RAB36: variants seen among roughly 807,000 people sequenced by gnomAD.
The protein encoded by RAB36 is RAB36, member RAS oncogene family, also known as ras-related protein Rab-36.
A neutral mutation model predicts 39.3 loss-of-function variants in RAB36; 33 were observed. That is an observed-to-expected ratio of 0.84 (90% CI 0.64 to 1.12). The LOEUF (loss-of-function observed/expected upper bound fraction) is 1.12. Among genes scored for constraint, RAB36 ranks in the 50% most tolerant of loss-of-function variants. The probability of loss-of-function intolerance (pLI) is 0.00; values close to 1 mark genes in which losing one functional copy is unlikely to be tolerated. For synonymous variants in RAB36, 133 were observed against 140.2 expected, an observed-to-expected ratio of 0.95 and a Z score of 0.36; for missense variants, 308 against 355.3, an observed-to-expected ratio of 0.87 and a Z score of 1.07.
chr22:23,166,038 T>C (rs925095583), downstream of RAB36, among the ~76,000 whole-genome samples: 1 of 150,186 alleles, frequency 6.7e-6, no homozygotes, highest in African/African-American at 2.4e-5. Context: ...CCCAGCTACT[T>C]GGGAGGCTGA....
downstream of RAB36, among the ~76,000 whole-genome samples, chr22:23,166,967 C>T (rs1384985839): frequency 6.6e-6 from 1 of 152,094 alleles, no homozygotes; most frequent in African/African-American, 2.4e-5. Flanking sequence ...TCTGGAAGCT[C>T]GTTTAACCAC....
At position 23,147,072 on chromosome 22, in the gene RAB36, A is replaced by G. The variant is rs545710305; in HGVS notation, c.69+387A>G. 1.1e-4 allele frequency among the ~76,000 whole-genome samples: 16 copies of G among 152,330 alleles called. No homozygotes were observed. In the South Asian group the frequency reaches 3.1e-3, roughly 30 times the overall value. On this transcript the variant is annotated intron_variant, in intron 2 of 10. Transcript: ENST00000263116. Reference sequence around the variant, plus strand: ...TCATGGTATGCAGGAGCTCCCCTGCAGTCATAGTTGCTGTTGTTCTCATCA... The same window carrying G: ...TCATGGTATGCAGGAGCTCCCCTGCGGTCATAGTTGCTGTTGTTCTCATCA...
Position 23,161,491 on chromosome 22 carries a change from T to C in RAB36, c.740-9T>C. On this transcript the variant is annotated splice_polypyrimidine_tract_variant and intron_variant, in intron 10 of 10. Coordinates refer to ENST00000263116, the MANE Select transcript of RAB36 (RefSeq NM_004914.5). ...GGTTGATGCTAAATTACTTCTCCCC[T>C]CCTTACAGAAATGGAAGGGAGTCCG... is the stretch of plus-strand genomic sequence containing the variant. 1 of 1,605,012 alleles carries C rather than the reference T, an allele frequency of 6.2e-7. No homozygotes were observed. The highest frequency in any genetic ancestry group is 8.5e-7 in the Non-Finnish European group (1 of 1,172,252).
chr22:23,148,151 C>G (rs1398435090), intron 2 of RAB36, among the ~76,000 whole-genome samples: 1 of 151,996 alleles, frequency 6.6e-6, no homozygotes, highest in Non-Finnish European at 1.5e-5. Context: ...TGTGGCTCTT[C>G]CTCCTTCCCC....
chr22:23,162,046 C>G lies in RAB36; in HGVS notation c.*482C>G, dbSNP rs529376731. 10 of 168,324 alleles carry G rather than the reference C, an allele frequency of 5.9e-5. No individual in the cohort carries two copies. The highest frequency in any genetic ancestry group is 2.2e-4 in the African/African-American group (9 of 41,752). The allele number at this position is 168,324 out of a possible 1,614,324, so 10.4% of individuals were successfully genotyped here. On this transcript the variant is annotated 3_prime_UTR_variant, in exon 11 of 11. Transcript: ENST00000263116. The stretch of plus-strand genomic sequence containing the variant: ...CAAAGTCAGCACCTGAAGGAGAGGC[C>G]ACCTGCCATTCCCCCTGGGAGTTTT...
At chr22:23,167,729 A>G (rs2072075176), downstream of RAB36, among the ~76,000 whole-genome samples, 1 of 151,804 alleles carries the variant, frequency 6.6e-6, no homozygotes, top group African/African-American at 2.4e-5. Flanking sequence ...TTTTAAGGCA[A>G]CACAGCCAGG....
At chr22:23,158,313 T>C (rs543291772) in intron 7 of RAB36, among the ~76,000 whole-genome samples, 6 of 152,342 alleles carry the variant, frequency 3.9e-5, no homozygotes, top group African/African-American at 1.4e-4. Context: ...CCTGCTTTAA[T>C]ACACTGCCTT....
rs1266759870 is a variant in RAB36 at position 23,165,030 on chromosome 22, C to G, written c.*3466C>G. The stretch of plus-strand genomic sequence containing the variant: ...CCCAGAGAGGCCTCTGTGGACACCC[C>G]CACAGCTCTCGCAGCACTTGATACC... On this transcript the variant is annotated 3_prime_UTR_variant, in exon 11 of 11. Coordinates refer to ENST00000263116, the MANE Select transcript of RAB36 (RefSeq NM_004914.5). Among the ~76,000 whole-genome samples, 4 of 152,088 alleles carry G rather than the reference C, an allele frequency of 2.6e-5. No homozygotes were observed. Among genetic ancestry groups the G allele is most frequent in the African/African-American group, 9.7e-5 (4 of 41,394 alleles).
chr22:23,153,634 C>T (rs990031795), intron 5 of RAB36: 3 of 984,996 alleles, frequency 3.0e-6, no homozygotes, highest in Admixed American at 6.2e-5. Context: ...ACTCGTCTTC[C>T]TCCTCACACT....
In RAB36 at chr22:23,153,016, TTCC is replaced by T; in HGVS notation, c.228-14_228-12del. On this transcript the variant is annotated splice_polypyrimidine_tract_variant and intron_variant, in intron 4 of 10. Coordinates refer to ENST00000263116, the MANE Select transcript of RAB36 (RefSeq NM_004914.5). ...TCTGTGAGTACACCCCTGTGACGAC[TTCC>T]TCATCCCCCACAGGTTTTGCAAGAA... 6.3e-7 allele frequency: 1 copy of T among 1,595,772 alleles called. No individual in the cohort carries two copies. The highest frequency in any genetic ancestry group is 8.6e-7 in the Non-Finnish European group (1 of 1,163,452).
chr22:23,151,612 A>C (rs2071127895), intron 3 of RAB36, among the ~76,000 whole-genome samples: 1 of 152,204 alleles, frequency 6.6e-6, no homozygotes, highest in Non-Finnish European at 1.5e-5. Flanking sequence ...GGAAGCTGGG[A>C]CAATGGCACC....
chr22:23,159,484 G>T (rs1230662319), intron 9 of RAB36, among the ~76,000 whole-genome samples: 1 of 152,228 alleles, frequency 6.6e-6, no homozygotes, highest in African/African-American at 2.4e-5. Flanking sequence ...TCACGGATGG[G>T]GGAATAGTGA....
In RAB36 at chr22:23,162,830, A is replaced by C. The variant is rs1237313224; in HGVS notation, c.*1266A>C. On this transcript the variant is annotated 3_prime_UTR_variant, in exon 11 of 11. Transcript: ENST00000263116. ...GTAAATGTTCAGCTCAGCGATTGCC[A>C]AATACCAGTTAGGGAAGAACACTGG... 2.3e-6 allele frequency: 1 copy of C among 438,684 alleles called. No homozygotes were observed. Among genetic ancestry groups the C allele is most frequent in the African/African-American group, 2.0e-5 (1 of 49,782 alleles). 27.2% of individuals were successfully genotyped at this position (438,684 alleles called of 1,614,324 possible).
chr22:23,165,987 A>G (rs182126333), downstream of RAB36, among the ~76,000 whole-genome samples: 17 of 152,104 alleles, frequency 1.1e-4, no homozygotes, highest in East Asian at 3.1e-3. Context: ...TCTACTAAAA[A>G]TACAAAAAAT....
Position 23,160,935 on chromosome 22 carries a change from G to A in RAB36, c.676G>A (p.Val226Met). The A allele has an allele frequency of 6.2e-7, 1 of 1,613,898 alleles. No homozygotes were observed. The highest frequency in any genetic ancestry group is 8.5e-7 in the Non-Finnish European group (1 of 1,179,920). Residue 226 changes from valine to methionine, a missense_variant, in exon 10 of 11, where the codon GTG becomes ATG. Val to Met is a conservative substitution (Grantham distance 21, BLOSUM62 1). Transcript: ENST00000263116. The stretch of plus-strand genomic sequence containing the variant: ...AGCCGCCCTGGCATTCGAGCAGTCG[G>A]TGCTGCAGGACCTGGAGAGGCAGAG... ...RVAALAFEQS[V>M]LQDLERQSSA...
At chr22:23,159,633 C>T (rs2146587960) in intron 9 of RAB36, among the ~76,000 whole-genome samples, 1 of 152,302 alleles carries the variant, frequency 6.6e-6, no homozygotes, top group African/African-American at 2.4e-5. Flanking sequence ...CACAGGGTGG[C>T]AGGGCCAGGA....
chr22:23,153,525 C>T (rs1713176176), intron 5 of RAB36: 1 of 976,408 alleles, frequency 1.0e-6, no homozygotes, highest in Non-Finnish European at 1.2e-6. Flanking sequence ...CTGTTCCCAC[C>T]TGTAAAATGG....
rs2071797857 is a variant in RAB36 at position 23,161,488 on chromosome 22, C to T, written c.740-12C>T. The T allele has an allele frequency of 5.0e-6, 8 of 1,602,974 alleles. No individual in the cohort carries two copies. Among genetic ancestry groups the T allele is most frequent in the Non-Finnish European group, 6.8e-6 (8 of 1,170,440 alleles). On this transcript the variant is annotated splice_polypyrimidine_tract_variant and intron_variant, in intron 10 of 10. Transcript: ENST00000263116. Reference sequence around the variant, plus strand: ...CCTGGTTGATGCTAAATTACTTCTCCCCTCCTTACAGAAATGGAAGGGAGT... The same window carrying T: ...CCTGGTTGATGCTAAATTACTTCTCTCCTCCTTACAGAAATGGAAGGGAGT...
rs1358098668 is a variant in RAB36, at chr22:23,163,644, C to G, written c.*2080C>G. Reference sequence around the variant, plus strand: ...CACATTAGCTGCGCCCCTGAAGTGTCTCCAGCAGAAGAGATGGATGAATGG... The same window carrying G: ...CACATTAGCTGCGCCCCTGAAGTGTGTCCAGCAGAAGAGATGGATGAATGG... On this transcript the variant is annotated 3_prime_UTR_variant, in exon 11 of 11. Coordinates refer to ENST00000263116, the MANE Select transcript of RAB36 (RefSeq NM_004914.5). The G allele has an allele frequency of 6.7e-6, 1 of 148,360 alleles. No homozygotes were observed. The highest frequency in any genetic ancestry group is 1.5e-5 in the Non-Finnish European group (1 of 67,308). 9.2% of individuals were successfully genotyped at this position (148,360 alleles called of 1,614,324 possible).
Sources: gnomAD v4.1 joint callset for allele counts (sites outside exome capture counted in the v4.1 genomes callset) on GRCh38, gnomAD v4.1.1 for gene constraint, MANE v1.5 for transcripts, NCBI Gene and HGNC (gene_info 2026-07-23, HGNC 2026-07-21) for gene names.